TASP1: variants seen among roughly 807,000 people sequenced by gnomAD.
The protein encoded by TASP1 is taspase 1.
In TASP1, 16 loss-of-function variants were observed where a neutral mutation model predicts 56.6. That is an observed-to-expected ratio of 0.28 (90% confidence interval 0.19 to 0.43). The LOEUF (loss-of-function observed/expected upper bound fraction) is 0.43. TASP1 is among the 20% of genes least tolerant of loss of function. The pLI is 1.00. For synonymous variants in TASP1, 179 were observed against 184.2 expected (o/e 0.97, Z 0.23); for missense variants, 393 against 511.6 (o/e 0.77, Z 2.24).
chr20:13,448,060 T>C (rs1273453661), intron 11 of TASP1, among the ~76,000 whole-genome samples: 2 of 152,150 alleles, frequency 1.3e-5, no homozygotes, highest in Non-Finnish European at 2.9e-5. Flanking sequence ...TCAAAAATTA[T>C]GAAAATAACT....
At chr20:13,214,568 G>C in the TASP1 span, among the ~76,000 whole-genome samples, 33 of 150,748 alleles carry the variant, frequency 2.2e-4, no homozygotes, top group East Asian at 3.7e-3. Flanking sequence ...CACACAGAGA[G>C]AGAGAGAGAG....
At chr20:13,496,839 G>T (rs2043748051) in intron 10 of TASP1, among the ~76,000 whole-genome samples, 1 of 152,132 alleles carries the variant, frequency 6.6e-6, no homozygotes, top group Non-Finnish European at 1.5e-5. Context: ...ACAGTCATGG[G>T]TTTTTTAACG....
intron 9 of TASP1, 120 bp downstream of exon 9, chr20:13,533,901 TA>T: frequency 1.7e-6 from 2 of 1,207,794 alleles, no homozygotes; most frequent in Non-Finnish European, 2.3e-6. Flanking sequence ...TACTACATGT[TA>T]AAAAACAATG....
At chr20:13,480,651 C>T (rs1301724017) in intron 11 of TASP1, among the ~76,000 whole-genome samples, 2 of 152,156 alleles carry the variant, frequency 1.3e-5, no homozygotes, top group Non-Finnish European at 2.9e-5. Flanking sequence ...TTCAGGAACT[C>T]CTTAGCATAA....
the TASP1 span, among the ~76,000 whole-genome samples, chr20:13,151,003 A>C: frequency 0.038 from 5,822 of 152,162 alleles, 161 homozygotes; most frequent in African/African-American, 0.08. Context: ...GCAATTTTAC[A>C]TCCATTTGTG....
intron 11 of TASP1, among the ~76,000 whole-genome samples, chr20:13,438,226 G>T (rs1450713989): frequency 2.0e-5 from 3 of 152,132 alleles, no homozygotes; most frequent in African/African-American, 7.2e-5. Context: ...AACAAAGCTG[G>T]AGGCATCACG....
At chr20:13,496,515 T>G (rs1375719600) in intron 10 of TASP1, among the ~76,000 whole-genome samples, 1 of 150,288 alleles carries the variant, frequency 6.7e-6, no homozygotes, top group Non-Finnish European at 1.5e-5. Context: ...GGAGGATCAT[T>G]GGAGAAATGG....
At position 13,390,992 on chromosome 20, in the gene TASP1, C is replaced by T. The variant is rs547813441; in HGVS notation, c.1171-540G>A. On this transcript the variant is annotated intron_variant, in intron 13 of 13. Transcript: ENST00000337743. ...AAGAGCTTACAAAATAAGGTAAAGA[C>T]GGAAGTGGGGCCAACGAAGAAATCT... is the stretch of plus-strand genomic sequence containing the variant. Among the ~76,000 whole-genome samples the T allele has an allele frequency of 2.0e-4, 30 of 152,166 alleles. 1 individual carries two copies. The highest frequency in any genetic ancestry group is 6.5e-4 in the African/African-American group (27 of 41,512).
chr20:13,509,730 G>A lies in TASP1; in HGVS notation c.874+18703C>T, dbSNP rs575908154. Among the ~76,000 whole-genome samples the A allele has an allele frequency of 2.5e-4, 38 of 152,220 alleles. No homozygotes were observed. In the East Asian group the frequency reaches 4.4e-3, roughly 18 times the overall value. On this transcript the variant is annotated intron_variant, in intron 10 of 13. Transcript: ENST00000337743. Reference sequence around the variant, plus strand: ...AACTTCCACCTTCCTGGGTTCAAGCGATTCTCCTGCCTCAGCCTCCTGACT... The same window carrying A: ...AACTTCCACCTTCCTGGGTTCAAGCAATTCTCCTGCCTCAGCCTCCTGACT...
At chr20:13,307,184 C>T in the TASP1 span, among the ~76,000 whole-genome samples, 1 of 152,210 alleles carries the variant, frequency 6.6e-6, no homozygotes, top group African/African-American at 2.4e-5. Flanking sequence ...TCCAGTCAAC[C>T]TCCCCACAGC....
At chr20:13,517,078 G>A (rs1386778217) in intron 10 of TASP1, among the ~76,000 whole-genome samples, 1 of 152,048 alleles carries the variant, frequency 6.6e-6, no homozygotes, top group African/African-American at 2.4e-5. Context: ...TTTGGGAAGC[G>A]CCACAGTGCA....
At chr20:13,595,593 A>C (rs1474640477) in intron 4 of TASP1, among the ~76,000 whole-genome samples, 5 of 152,216 alleles carry the variant, frequency 3.3e-5, no homozygotes, top group African/African-American at 4.8e-5. Flanking sequence ...CTGATAAAAC[A>C]GACTGTAAAC....
chr20:13,307,794 T>C, the TASP1 span, among the ~76,000 whole-genome samples: 1 of 152,360 alleles, frequency 6.6e-6, no homozygotes, highest in African/African-American at 2.4e-5. Context: ...ACATTTCCAA[T>C]GTGTGAATAT....
chr20:13,292,922 C>T, the TASP1 span, among the ~76,000 whole-genome samples: 4 of 152,216 alleles, frequency 2.6e-5, no homozygotes, highest in Non-Finnish European at 4.4e-5. Context: ...CCGGGCCAGG[C>T]GCGGTGGGTC....
intron 10 of TASP1, among the ~76,000 whole-genome samples, chr20:13,521,515 A>G (rs2044753414): frequency 6.6e-6 from 1 of 152,106 alleles, no homozygotes; most frequent in African/African-American, 2.4e-5. Context: ...CATCATTCTC[A>G]GCAAACTATC....
At chr20:13,286,837 A>G in the TASP1 span, among the ~76,000 whole-genome samples, 2 of 152,208 alleles carry the variant, frequency 1.3e-5, no homozygotes, top group Non-Finnish European at 2.9e-5. Context: ...TGTAATAACA[A>G]TCGCCACGAC....
chr20:13,292,368 GT>G, the TASP1 span: 1 of 1,584,964 alleles, frequency 6.3e-7, no homozygotes, highest in Non-Finnish European at 8.6e-7. Flanking sequence ...TCTTGTCTGT[GT>G]TTAGGAATTG....
At chr20:13,164,355 A>G in the TASP1 span, 1 of 472,358 alleles carries the variant, frequency 2.1e-6, no homozygotes, top group Non-Finnish European at 4.4e-6. Flanking sequence ...GTTCTTGGCC[A>G]GGTGATTTGC....
intron 6 of TASP1, among the ~76,000 whole-genome samples, chr20:13,570,146 C>T (rs1428710042): frequency 6.6e-6 from 1 of 151,918 alleles, no homozygotes; most frequent in Non-Finnish European, 1.5e-5. Flanking sequence ...CCAAAAGTAA[C>T]TTTTAAGTCC....
Sources: allele counts gnomAD v4.1 joint callset (sites outside exome capture counted in the v4.1 genomes callset), GRCh38; gene constraint gnomAD v4.1.1; transcripts MANE v1.5; gene names NCBI Gene and HGNC (gene_info 2026-07-23, HGNC 2026-07-21).